The following ANKRD44 variants were observed in gnomAD, a reference collection of about 807,000 sequenced individuals.
ANKRD44 encodes ankyrin repeat domain 44, also known as serine/threonine-protein phosphatase 6 regulatory ankyrin repeat subunit B.
A neutral mutation model predicts 116.0 loss-of-function variants in ANKRD44; 35 were observed. The observed-to-expected ratio is 0.30, with a 90% CI of 0.23 to 0.40. The LOEUF (loss-of-function observed/expected upper bound fraction) is 0.40. ANKRD44 is among the 10% of genes least tolerant of loss of function. ANKRD44 has a pLI of 1.00. For synonymous variants in ANKRD44, 435 were observed against 461.8 expected (o/e 0.94, Z 0.74); for missense variants, 1,014 against 1,242.6 (o/e 0.82, Z 2.77).
intron 1 of ANKRD44, among the ~76,000 whole-genome samples, chr2:197,298,235 T>C (rs2083783054): frequency 6.6e-6 from 1 of 152,216 alleles, no homozygotes; most frequent in Non-Finnish European, 1.5e-5. Context: ...AGTTTAAAAG[T>C]CAATGTAAGA....
intron 2 of ANKRD44, among the ~76,000 whole-genome samples, chr2:197,186,019 C>A (rs539501401): frequency 6.6e-6 from 1 of 152,286 alleles, no homozygotes; most frequent in South Asian, 2.1e-4. Flanking sequence ...GGCCGTGTTC[C>A]AACAAAACTG....
intron 21 of ANKRD44, among the ~76,000 whole-genome samples, chr2:196,971,337 A>G (rs2125858602): frequency 6.6e-6 from 1 of 152,238 alleles, no homozygotes; most frequent in East Asian, 1.9e-4. Context: ...GATATTTCTT[A>G]ACCACATTTA....
chr2:197,251,121 G>A (rs1027787325), intron 1 of ANKRD44: 5 of 152,124 alleles, frequency 3.3e-5, no homozygotes, highest in African/African-American at 1.2e-4. Context: ...TAACAAAGAT[G>A]TTTATTTCTT....
chr2:197,109,919 G>A (rs992008111), intron 9 of ANKRD44, among the ~76,000 whole-genome samples: 4 of 151,832 alleles, frequency 2.6e-5, no homozygotes, highest in Admixed American at 2.0e-4. Flanking sequence ...TACCTTTGTC[G>A]TAAGCCCAGA....
At chr2:197,232,414 T>C (rs1424828297) in intron 1 of ANKRD44, among the ~76,000 whole-genome samples, 1 of 152,164 alleles carries the variant, frequency 6.6e-6, no homozygotes, top group African/African-American at 2.4e-5. Context: ...ATGTCTAAAA[T>C]AGAAATGTTC....
At chr2:197,293,696 C>T (rs2083635316) in intron 1 of ANKRD44, among the ~76,000 whole-genome samples, 1 of 152,150 alleles carries the variant, frequency 6.6e-6, no homozygotes, top group Non-Finnish European at 1.5e-5. Flanking sequence ...AATGAAGTTC[C>T]ACGGTCTTCT....
chr2:197,057,571 TG>T (rs1430292117), intron 16 of ANKRD44, among the ~76,000 whole-genome samples: 1 of 152,242 alleles, frequency 6.6e-6, no homozygotes, highest in Non-Finnish European at 1.5e-5. Context: ...CAGCTCTTTT[TG>T]CTTCTACCTA....
intron 16 of ANKRD44, among the ~76,000 whole-genome samples, chr2:197,048,534 G>A (rs963000645): frequency 5.3e-5 from 8 of 152,132 alleles, no homozygotes; most frequent in African/African-American, 1.9e-4. Flanking sequence ...CTTTTTTATG[G>A]CTGCATAGTA....
At chr2:196,999,323 C>A (rs2125894519) in intron 23 of ANKRD44, among the ~76,000 whole-genome samples, 1 of 152,162 alleles carries the variant, frequency 6.6e-6, no homozygotes, top group Middle Eastern at 3.4e-3. Flanking sequence ...TCTTAAGTTC[C>A]AGTGAGTCTA....
At chr2:196,979,838 A>T (rs545633236) in intron 21 of ANKRD44, among the ~76,000 whole-genome samples, 1 of 152,166 alleles carries the variant, frequency 6.6e-6, no homozygotes, top group Non-Finnish European at 1.5e-5. Context: ...CTGGGATTAC[A>T]GGCATGAGCC....
At chr2:197,236,553 G>C (rs998509131) in intron 1 of ANKRD44, among the ~76,000 whole-genome samples, 1 of 152,094 alleles carries the variant, frequency 6.6e-6, no homozygotes, top group Non-Finnish European at 1.5e-5. Context: ...CTGGTCTATG[G>C]GGCCTACTAG....
intron 3 of ANKRD44, among the ~76,000 whole-genome samples, chr2:197,142,538 C>T (rs2079392061): frequency 6.6e-6 from 1 of 152,048 alleles, no homozygotes; most frequent in South Asian, 2.1e-4. Context: ...GTGACAATTG[C>T]TCAAAACATT....
chr2:196,979,926 G>C (rs2125864279), intron 21 of ANKRD44, among the ~76,000 whole-genome samples: 1 of 152,158 alleles, frequency 6.6e-6, no homozygotes, highest in East Asian at 1.9e-4. Context: ...CAGCATCTTA[G>C]CAACACTGTC....
At chr2:197,276,351 G>A (rs1015519601) in intron 1 of ANKRD44, among the ~76,000 whole-genome samples, 6 of 149,636 alleles carry the variant, frequency 4.0e-5, no homozygotes, top group African/African-American at 1.5e-4. Context: ...TAAAAATGAT[G>A]ACTCTTACAG....
intron 1 of ANKRD44, among the ~76,000 whole-genome samples, chr2:197,295,534 G>A (rs897538672): frequency 7.2e-5 from 11 of 152,138 alleles, no homozygotes; most frequent in Non-Finnish European, 1.0e-4. Context: ...GCCATTTAAA[G>A]CAGGCAGCAG....
chr2:197,218,329 C>T (rs1162694083), intron 1 of ANKRD44, among the ~76,000 whole-genome samples: 1 of 152,206 alleles, frequency 6.6e-6, no homozygotes, highest in African/African-American at 2.4e-5. Flanking sequence ...TCCTCACCTA[C>T]ACCCCTCCAT....
intron 1 of ANKRD44, among the ~76,000 whole-genome samples, chr2:197,227,601 C>CAAAA (rs140740345): frequency 0.015 from 2,287 of 149,468 alleles, 69 homozygotes; most frequent in African/African-American, 0.053. Context: ...TTTGTTTTAC[C>CAAAA]AAAAAAAACA....
At chr2:197,279,493 A>G (rs1574430863) in intron 1 of ANKRD44, among the ~76,000 whole-genome samples, 1 of 151,994 alleles carries the variant, frequency 6.6e-6, no homozygotes, top group African/African-American at 2.4e-5. Flanking sequence ...ACAAACTGGA[A>G]CTCCACAAAC....
At chr2:197,090,599 A>G (rs2078022286) in intron 10 of ANKRD44, among the ~76,000 whole-genome samples, 1 of 151,906 alleles carries the variant, frequency 6.6e-6, no homozygotes, top group African/African-American at 2.4e-5. Flanking sequence ...CTAGGCAGAA[A>G]AGGGCAGGTT....
Sources: gnomAD v4.1 joint callset for allele counts (sites outside exome capture counted in the v4.1 genomes callset) on GRCh38, gnomAD v4.1.1 for gene constraint, MANE v1.5 for transcripts, NCBI Gene and HGNC (gene_info 2026-07-23, HGNC 2026-07-21) for gene names.